Variants in NDRG3 observed in about 807,000 individuals in gnomAD.
NDRG3 encodes the protein protein NDRG3.
Under a neutral mutation model 57.2 loss-of-function variants are expected in NDRG3, and 23 were observed. The ratio of observed to expected loss-of-function variants is 0.40; its 90% CI spans 0.29 to 0.57. The LOEUF (loss-of-function observed/expected upper bound fraction) is 0.57, where lower values mean the gene tolerates loss of function less well. Ranked by LOEUF, NDRG3 falls within the 20% of genes least tolerant of loss-of-function variation. NDRG3 has a pLI of 0.42. For synonymous variants in NDRG3, 132 were observed against 162.6 expected, an observed-to-expected ratio of 0.81 and a Z score of 1.43; for missense variants, 384 against 457.3, an observed-to-expected ratio of 0.84 and a Z score of 1.46.
intron 8 of NDRG3, among the ~76,000 whole-genome samples, chr20:36,679,405 G>T (rs536401832): frequency 6.6e-6 from 1 of 152,250 alleles, no homozygotes; most frequent in South Asian, 2.1e-4. Flanking sequence ...AATATGCACA[G>T]CAGCTTTACT....
chr20:36,696,084 C>T (rs1021812052), intron 3 of NDRG3, among the ~76,000 whole-genome samples: 2 of 152,176 alleles, frequency 1.3e-5, no homozygotes, highest in Non-Finnish European at 1.5e-5. Flanking sequence ...CCCCGATAGC[C>T]CAGGCTGGCC....
intron 3 of NDRG3, among the ~76,000 whole-genome samples, chr20:36,695,457 A>C (rs1045945558): frequency 6.6e-6 from 1 of 152,174 alleles, no homozygotes; most frequent in African/African-American, 2.4e-5. Context: ...AATATCGCTG[A>C]ATTCTTTCCC....
chr20:36,656,077 T>A (rs1478437970), intron 15 of NDRG3, among the ~76,000 whole-genome samples: 1 of 138,666 alleles, frequency 7.2e-6, no homozygotes, highest in Non-Finnish European at 1.5e-5. Flanking sequence ...GAGGTTGCAG[T>A]GAGCTGAGAT....
chr20:36,666,228 C>G, intron 10 of NDRG3, 61 bp downstream of exon 10: 1 of 1,281,876 alleles, frequency 7.8e-7, no homozygotes, highest in Admixed American at 1.7e-5. Context: ...CTCTCCTTCT[C>G]CCACCCTCCT....
At chr20:36,689,736 T>C (rs1021721815) in intron 3 of NDRG3, among the ~76,000 whole-genome samples, 9 of 145,980 alleles carry the variant, frequency 6.2e-5, no homozygotes, top group African/African-American at 2.5e-4. Flanking sequence ...TTTTTTTTTT[T>C]TTGAGACAGA....
At chr20:36,675,059 ATTTTTTTT>A (rs34154196) in intron 8 of NDRG3, among the ~76,000 whole-genome samples, 2 of 101,208 alleles carry the variant, frequency 2.0e-5, no homozygotes, top group Non-Finnish European at 3.9e-5. Flanking sequence ...CACAACTGGC[ATTTTTTTT>A]TTTTTTTTTT....
chr20:36,661,857 G>C (rs549634077), intron 12 of NDRG3, among the ~76,000 whole-genome samples: 21 of 152,160 alleles, frequency 1.4e-4, no homozygotes, highest in Non-Finnish European at 2.8e-4. Context: ...TTTAGTCTGG[G>C]GATTGCGGGT....
intron 3 of NDRG3, among the ~76,000 whole-genome samples, chr20:36,695,803 C>A (rs896865212): frequency 1.3e-5 from 2 of 152,150 alleles, no homozygotes; most frequent in African/African-American, 4.8e-5. Flanking sequence ...TTGCCCTATC[C>A]ATTTGCCTTG....
rs1981892886 is a variant in NDRG3, at chr20:36,687,513, C to A, written c.299G>T (p.Gly100Val). The A allele has an allele frequency of 1.9e-6, 3 of 1,613,672 alleles. No individual in the cohort carries two copies. The highest frequency in any genetic ancestry group is 2.7e-5 in the African/African-American group (2 of 74,874). ...TTACCCTGTTGGGAAAGAGGGTGCA[C>A]CTTCCTGCTGGCCTGGGGCATCCAC... is the stretch of plus-strand genomic sequence containing the variant. ...CHVDAPGQQE[G>V]APSFPTGYQY... Residue 100 changes from glycine to valine, a missense_variant, in exon 5 of 16, where the codon GGT becomes GTT. Physicochemically the swap from Gly to Val is moderately radical, Grantham distance 109 (BLOSUM62 -3). Transcript: ENST00000349004.
At chr20:36,683,602 G>A (rs1009060690) in intron 6 of NDRG3, among the ~76,000 whole-genome samples, 12 of 151,106 alleles carry the variant, frequency 7.9e-5, no homozygotes, top group African/African-American at 2.9e-4. Context: ...GGGTGATGGA[G>A]TGAAACTCCA....
At chr20:36,674,409 G>T (rs1042334598) in intron 8 of NDRG3, among the ~76,000 whole-genome samples, 1 of 151,620 alleles carries the variant, frequency 6.6e-6, no homozygotes, top group Non-Finnish European at 1.5e-5. Flanking sequence ...CTCCATGTTG[G>T]TCAGGCTGGT....
intron 2 of NDRG3, among the ~76,000 whole-genome samples, chr20:36,711,683 G>A (rs114543751): frequency 6.8e-4 from 104 of 152,252 alleles, no homozygotes; most frequent in African/African-American, 2.3e-3. Flanking sequence ...GTTGAGTACC[G>A]AGCAAAAAAC....
intron 1 of NDRG3, among the ~76,000 whole-genome samples, chr20:36,738,703 A>G (rs1985742373): frequency 6.6e-6 from 1 of 151,122 alleles, no homozygotes; most frequent in Admixed American, 6.6e-5. Flanking sequence ...TGCACCTGTA[A>G]TCCCAGCTAC....
In NDRG3 at chr20:36,656,349, G is replaced by A. The variant is rs773357406; in HGVS notation, c.946+11C>T. On this transcript the variant is annotated intron_variant, in intron 15 of 15. Transcript: ENST00000349004. ...AAATCGTTGCTAGATAGAAAGTTGT[G>A]TACTACTCACTGTAGCCCATTCCCT... The A allele has an allele frequency of 5.6e-6, 9 of 1,613,542 alleles. No homozygotes were observed. The East Asian group carries it at 2.0e-4, about 36-fold the overall frequency.
intron 4 of NDRG3, among the ~76,000 whole-genome samples, chr20:36,687,889 C>T (rs909669843): frequency 6.6e-6 from 1 of 152,196 alleles, no homozygotes; most frequent in Admixed American, 6.6e-5. Context: ...GATTATTGCA[C>T]AAAATAATCT....
rs1159652238 is a variant in NDRG3, at chr20:36,653,658, G to A, written c.990C>T (p.His330=). 1.2e-6 allele frequency: 2 copies of A among 1,614,024 alleles called. No individual in the cohort carries two copies. Among genetic ancestry groups the A allele is most frequent in the Non-Finnish European group, 1.7e-6 (2 of 1,180,050 alleles). Residue 330 remains histidine, a synonymous_variant, in exon 16 of 16, where the codon CAC becomes CAT. Transcript: ENST00000349004. The surrounding 1 kb of genome is among the most constrained non-coding windows in gnomAD (Gnocchi z 4.2). The part of the protein sequence containing the change: ...SMTRLARSRT[H]STSSSLGSGE... The stretch of plus-strand genomic sequence containing the variant: ...CAGAGCCGAGGCTACTCGAGGTTGA[G>A]TGGGTTCGTGATCGGGCGAGCCGAG...
rs1981608895 is a variant in NDRG3, at chr20:36,684,493, A to G, written c.321-18T>C. ...ACTGATACCTGCAATCCAGAAGGATATCTCCTGAATTAGAAAGCACTCACA... is the reference window on the plus strand; with the variant it reads ...ACTGATACCTGCAATCCAGAAGGATGTCTCCTGAATTAGAAAGCACTCACA... On this transcript the variant is annotated intron_variant, in intron 5 of 15. Coordinates refer to ENST00000349004, the MANE Select transcript of NDRG3 (RefSeq NM_032013.4). 1.2e-6 allele frequency: 2 copies of G among 1,607,870 alleles called. No individual in the cohort carries two copies. The highest frequency in any genetic ancestry group is 1.3e-5 in the African/African-American group (1 of 74,922).
At chr20:36,671,143 A>AGG (rs1980116147) in intron 9 of NDRG3, among the ~76,000 whole-genome samples, 198 bp downstream of exon 9, 1 of 152,190 alleles carries the variant, frequency 6.6e-6, no homozygotes, top group African/African-American at 2.4e-5. Context: ...GTCTTCTCTC[A>AGG]TAGCTCCACA....
At chr20:36,732,936 C>T (rs1391526923) in intron 1 of NDRG3, among the ~76,000 whole-genome samples, 1 of 151,144 alleles carries the variant, frequency 6.6e-6, no homozygotes, top group Non-Finnish European at 1.5e-5. Context: ...TGCTTGAGCC[C>T]AGGAGTTTGA....
Sources: gnomAD v4.1 joint callset for allele counts (sites outside exome capture counted in the v4.1 genomes callset) on GRCh38, gnomAD v4.1.1 for gene constraint, Gnocchi (gnomAD v3.1) non-coding constraint, MANE v1.5 for transcripts, NCBI Gene and HGNC (gene_info 2026-07-23, HGNC 2026-07-21) for gene names.